The following ENTREP2 variants were observed in gnomAD, a reference collection of about 807,000 sequenced individuals.
ENTREP2 encodes endosomal transmembrane epsin interactor 2, also known as protein ENTREP2.
chr15:29,222,509 G>C, the ENTREP2 span, among the ~76,000 whole-genome samples: 1 of 152,138 alleles, frequency 6.6e-6, no homozygotes, highest in African/African-American at 2.4e-5. Flanking sequence ...CTTGGGGTCT[G>C]GATTGGGACC....
the ENTREP2 span, among the ~76,000 whole-genome samples, chr15:29,450,519 G>A: frequency 6.6e-6 from 1 of 152,176 alleles, no homozygotes; most frequent in Non-Finnish European, 1.5e-5. Context: ...GCAGGTGGGG[G>A]TGTAAATTAG....
the ENTREP2 span, among the ~76,000 whole-genome samples, chr15:29,466,682 G>A: frequency 2.3e-5 from 3 of 131,190 alleles, no homozygotes; most frequent in African/African-American, 8.8e-5. Context: ...CCCAGGGGAG[G>A]GCCCGGGGAG....
the ENTREP2 span, among the ~76,000 whole-genome samples, chr15:29,135,905 G>T: frequency 1.3e-5 from 2 of 151,302 alleles, no homozygotes; most frequent in East Asian, 4.0e-4. The surrounding 1 kb of genome is among the most constrained non-coding windows in gnomAD (Gnocchi z 7.4). Context: ...GGGGCGCCCT[G>T]GGTACTCGGT....
chr15:29,481,056 C>T, the ENTREP2 span, among the ~76,000 whole-genome samples: 1 of 152,162 alleles, frequency 6.6e-6, no homozygotes, highest in Non-Finnish European at 1.5e-5. Context: ...AGGAGTGCTG[C>T]CTTGGGGGTC....
At chr15:29,522,923 A>G in the ENTREP2 span, among the ~76,000 whole-genome samples, 8 of 152,216 alleles carry the variant, frequency 5.3e-5, no homozygotes, top group African/African-American at 1.9e-4. Context: ...GAGGCTAACC[A>G]AAAAGCTTAA....
chr15:29,228,730 A>T, the ENTREP2 span, among the ~76,000 whole-genome samples: 3 of 152,232 alleles, frequency 2.0e-5, no homozygotes, highest in Non-Finnish European at 4.4e-5. Context: ...GGTACAAATT[A>T]TCAGTGAGAT....
At chr15:29,578,869 A>C in the ENTREP2 span, among the ~76,000 whole-genome samples, 2 of 152,140 alleles carry the variant, frequency 1.3e-5, no homozygotes, top group Non-Finnish European at 2.9e-5. Context: ...TTTTGTGAAA[A>C]ACCCCTGAGA....
the ENTREP2 span, chr15:29,376,423 T>C: frequency 2.6e-5 from 4 of 152,112 alleles, no homozygotes; most frequent in African/African-American, 9.7e-5. Context: ...AAGACAATGA[T>C]CTCAATCATA....
the ENTREP2 span, among the ~76,000 whole-genome samples, chr15:29,279,869 GA>G: frequency 2.0e-5 from 3 of 152,114 alleles, no homozygotes; most frequent in African/African-American, 7.2e-5. Context: ...GAGGGAGCAA[GA>G]AAGTCAGGTG....
the ENTREP2 span, among the ~76,000 whole-genome samples, chr15:29,436,250 ATTATC>A: frequency 3.3e-5 from 5 of 152,160 alleles, no homozygotes; most frequent in Non-Finnish European, 4.4e-5. Flanking sequence ...ACATACTCAG[ATTATC>A]TTATATGTTA....
At chr15:29,570,377 A>C in the ENTREP2 span, 151 of 474,522 alleles carry the variant, frequency 3.2e-4, 1 homozygote, top group Non-Finnish European at 5.6e-5. Context: ...CCCGCGCTGC[A>C]GCTACTCGGC....
chr15:29,519,387 T>G, the ENTREP2 span, among the ~76,000 whole-genome samples: 2 of 151,792 alleles, frequency 1.3e-5, no homozygotes, highest in Non-Finnish European at 2.9e-5. Context: ...TGCCTCTTCC[T>G]CCTCTGCCAC....
At chr15:29,285,261 G>A in the ENTREP2 span, among the ~76,000 whole-genome samples, 6 of 152,288 alleles carry the variant, frequency 3.9e-5, no homozygotes, top group South Asian at 1.2e-3. Flanking sequence ...GAGAGGAGAT[G>A]AACTTGCTTC....
the ENTREP2 span, among the ~76,000 whole-genome samples, chr15:29,351,771 G>A: frequency 1.6e-4 from 24 of 152,046 alleles, 1 homozygote; most frequent in South Asian, 5.0e-3. Context: ...AGCCTCCCAA[G>A]TTGCTGGCAC....
At chr15:29,650,611 A>C in the ENTREP2 span, among the ~76,000 whole-genome samples, 409 of 152,102 alleles carry the variant, frequency 2.7e-3, 1 homozygote, top group Middle Eastern at 0.01. Context: ...CAAAAAACAA[A>C]AAAAAAAAAT....
the ENTREP2 span, among the ~76,000 whole-genome samples, chr15:29,470,499 G>C: frequency 3.3e-5 from 5 of 152,164 alleles, no homozygotes; most frequent in African/African-American, 1.2e-4. Flanking sequence ...GCAAATACTC[G>C]TCACTCGGAC....
chr15:29,621,489 C>T, the ENTREP2 span, among the ~76,000 whole-genome samples: 1 of 129,272 alleles, frequency 7.7e-6, no homozygotes, highest in African/African-American at 3.0e-5. Flanking sequence ...TGCCACTGCA[C>T]TCCAGCCTGG....
At chr15:29,208,201 C>A in the ENTREP2 span, among the ~76,000 whole-genome samples, 4 of 144,052 alleles carry the variant, frequency 2.8e-5, no homozygotes, top group Non-Finnish European at 4.5e-5. Context: ...TCCTACTCAA[C>A]ACACTGTTCT....
chr15:29,218,721 C>A, the ENTREP2 span, among the ~76,000 whole-genome samples: 2 of 152,164 alleles, frequency 1.3e-5, no homozygotes, highest in African/African-American at 4.8e-5. Context: ...GGGGAAAGGA[C>A]ACCCTCTTCA....
Sources: allele counts gnomAD v4.1 joint callset (sites outside exome capture counted in the v4.1 genomes callset), GRCh38; gene constraint gnomAD v4.1.1; non-coding constraint Gnocchi (gnomAD v3.1); transcripts MANE v1.5; gene names NCBI Gene and HGNC (gene_info 2026-07-23, HGNC 2026-07-21).